TAFA2: variants seen among roughly 807,000 people sequenced by gnomAD.
TAFA2 encodes chemokine-like protein TAFA-2.
Under a neutral mutation model 18.8 loss-of-function variants are expected in TAFA2, and 7 were observed. That is an observed-to-expected ratio of 0.37 (90% confidence interval 0.21 to 0.70). TAFA2 has a LOEUF of 0.70. Among genes scored for constraint, TAFA2 ranks in the 30% least tolerant of loss-of-function variants. The pLI is 0.53. For missense variants in TAFA2, 122 were observed against 158.1 expected, an observed-to-expected ratio of 0.77 and a Z score of 1.23; for synonymous variants, 60 against 54.2, an observed-to-expected ratio of 1.11 and a Z score of -0.47.
At chr12:61,884,489 G>T (rs1016175084) in intron 1 of TAFA2, among the ~76,000 whole-genome samples, 1 of 152,048 alleles carries the variant, frequency 6.6e-6, no homozygotes, top group South Asian at 2.1e-4. Context: ...ATTTGTAGTC[G>T]CTCTTTTTTA....
intron 1 of TAFA2, among the ~76,000 whole-genome samples, chr12:61,960,100 T>G (rs975319731): frequency 2.6e-5 from 4 of 152,112 alleles, no homozygotes; most frequent in Non-Finnish European, 5.9e-5. Flanking sequence ...TTGATTTAAT[T>G]TTTAAGATTT....
intron 1 of TAFA2, among the ~76,000 whole-genome samples, chr12:61,887,558 A>G (rs1039716968): frequency 2.1e-4 from 31 of 147,616 alleles, no homozygotes; most frequent in African/African-American, 7.7e-4. Context: ...AGCATTAGGT[A>G]TATCTCCCAT....
At chr12:61,991,157 G>A (rs1879996858) in intron 1 of TAFA2, among the ~76,000 whole-genome samples, 1 of 152,142 alleles carries the variant, frequency 6.6e-6, no homozygotes, top group Non-Finnish European at 1.5e-5. Flanking sequence ...AGGAAAAGTT[G>A]CTTAATATCT....
At position 62,080,511 on chromosome 12, in the gene TAFA2, G is replaced by T. The variant is rs1388952164; in HGVS notation, c.-2+110748C>A. On this transcript the variant is annotated intron_variant, in intron 1 of 4. Coordinates refer to ENST00000416284, the MANE Select transcript of TAFA2 (RefSeq NM_178539.5). ...ACTAAATTGAATTATCCCCTGGGTA[G>T]AAAGAAAAGAAAAAAAAAAAGTAAA... 8.5e-5 allele frequency among the ~76,000 whole-genome samples: 12 copies of T among 140,534 alleles called. No individual in the cohort carries two copies. In the East Asian group the frequency reaches 3.0e-3, roughly 35 times the overall value. 92.2% of individuals were successfully genotyped at this position (140,534 alleles called of 152,430 possible).
intron 1 of TAFA2, among the ~76,000 whole-genome samples, chr12:62,179,748 G>A (rs2062539131): frequency 6.6e-6 from 1 of 151,932 alleles, no homozygotes; most frequent in Admixed American, 6.6e-5. Flanking sequence ...TTTTTTTAGA[G>A]AGAAATCTAG....
intron 1 of TAFA2, among the ~76,000 whole-genome samples, chr12:62,127,085 T>C (rs957678663): frequency 1.3e-5 from 2 of 152,130 alleles, no homozygotes; most frequent in Non-Finnish European, 2.9e-5. Flanking sequence ...TATCAGTCTA[T>C]TATACATATA....
intron 1 of TAFA2, among the ~76,000 whole-genome samples, chr12:61,976,305 C>G (rs1263025785): frequency 6.6e-6 from 1 of 151,844 alleles, no homozygotes; most frequent in Non-Finnish European, 1.5e-5. Context: ...TAGAACCTGT[C>G]ACCAATGCAG....
At chr12:61,871,247 A>AT (rs1481321547) in intron 1 of TAFA2, among the ~76,000 whole-genome samples, 1 of 152,204 alleles carries the variant, frequency 6.6e-6, no homozygotes, top group Non-Finnish European at 1.5e-5. Flanking sequence ...GTGATCAAGG[A>AT]TTTTTGACAA....
chr12:61,865,970 A>T (rs1874337347), intron 2 of TAFA2, among the ~76,000 whole-genome samples: 1 of 152,174 alleles, frequency 6.6e-6, no homozygotes, highest in Non-Finnish European at 1.5e-5. Context: ...TGAGTATTTA[A>T]TACTACTTCG....
At chr12:62,031,894 T>C (rs989924878) in intron 1 of TAFA2, among the ~76,000 whole-genome samples, 2 of 152,212 alleles carry the variant, frequency 1.3e-5, no homozygotes, top group African/African-American at 4.8e-5. Flanking sequence ...AGGATGACTT[T>C]TCCAGACCAA....
intron 1 of TAFA2, among the ~76,000 whole-genome samples, chr12:62,257,166 G>GTGTGTATATGTATATATACACAA (rs531475210): frequency 0.22 from 25,417 of 117,574 alleles, 3,194 homozygotes; most frequent in East Asian, 0.47. Flanking sequence ...ATATATATGT[G>GTGTGTATATGTATATATACACAA]TGTGTGTGTG....
intron 2 of TAFA2, among the ~76,000 whole-genome samples, chr12:61,830,346 C>T (rs1872671672): frequency 6.6e-6 from 1 of 150,752 alleles, no homozygotes; most frequent in Non-Finnish European, 1.5e-5. Context: ...TATACATACA[C>T]ACATATATAT....
intron 4 of TAFA2, among the ~76,000 whole-genome samples, chr12:61,724,751 ATGTGTGTGTGTGTGTGTGTGTG>A (rs71083953): frequency 0.064 from 7,319 of 114,648 alleles, 661 homozygotes; most frequent in African/African-American, 0.22. Flanking sequence ...TGGTATGTCT[ATGTGTGTGTGTGTGTGTGTGTG>A]TGTGTGTGTG....
At chr12:62,037,262 A>T (rs998714833) in intron 1 of TAFA2, among the ~76,000 whole-genome samples, 2 of 152,204 alleles carry the variant, frequency 1.3e-5, no homozygotes, top group African/African-American at 4.8e-5. Flanking sequence ...ACTATTGCCC[A>T]TCTGTGCAGG....
chr12:62,182,599 A>G (rs1010101046), intron 1 of TAFA2, among the ~76,000 whole-genome samples: 10 of 152,200 alleles, frequency 6.6e-5, no homozygotes, highest in Non-Finnish European at 1.3e-4. Context: ...TAATTTGTGT[A>G]CACATAGAAG....
intron 1 of TAFA2, among the ~76,000 whole-genome samples, chr12:62,041,123 A>C (rs1386781209): frequency 6.6e-6 from 1 of 152,194 alleles, no homozygotes; most frequent in East Asian, 1.9e-4. Flanking sequence ...AGCTGAGAAA[A>C]AACTAATCTT....
chr12:62,235,525 GTGGTGTCTAGACTCTC>G (rs559288295), intron 1 of TAFA2: 30 of 499,100 alleles, frequency 6.0e-5, no homozygotes, highest in Non-Finnish European at 1.1e-4. Flanking sequence ...TGAAGACTAG[GTGGTGTCTAGACTCTC>G]TGCTGAACAG....
chr12:61,712,190 G>A (rs1869442286), intron 4 of TAFA2, among the ~76,000 whole-genome samples: 2 of 152,118 alleles, frequency 1.3e-5, no homozygotes, highest in South Asian at 2.1e-4. Flanking sequence ...CTGCATAAAT[G>A]TGGTGCCATG....
At chr12:61,869,654 G>A (rs1874509384) in intron 1 of TAFA2, among the ~76,000 whole-genome samples, 1 of 152,122 alleles carries the variant, frequency 6.6e-6, no homozygotes, top group Non-Finnish European at 1.5e-5. Flanking sequence ...GCACACTAGT[G>A]TCCTCAGGAA....
Sources: allele counts gnomAD v4.1 joint callset (sites outside exome capture counted in the v4.1 genomes callset), GRCh38; gene constraint gnomAD v4.1.1; transcripts MANE v1.5; gene names NCBI Gene and HGNC (gene_info 2026-07-23, HGNC 2026-07-21).